STARD8: variants seen among roughly 807,000 people sequenced by gnomAD.
STARD8 encodes the protein StAR related lipid transfer domain containing 8, also known as stAR-related lipid transfer protein 8.
A neutral mutation model predicts 69.4 loss-of-function variants in STARD8; 25 were observed. The observed-to-expected ratio is 0.36, with a 90% CI of 0.26 to 0.50. The LOEUF is 0.50. STARD8 is among the 20% of genes least tolerant of loss of function. STARD8 has a pLI of 0.96. For missense variants in STARD8, 921 were observed against 932.5 expected, an observed-to-expected ratio of 0.99 and a Z score of 0.16; for synonymous variants, 389 against 374.6, an observed-to-expected ratio of 1.04 and a Z score of -0.45.
At chrX:68,669,171 G>C (rs2079712576) in intron 2 of STARD8, among the ~76,000 whole-genome samples, 1 of 111,187 alleles carries the variant, frequency 9.0e-6, no homozygotes, top group Admixed American at 9.6e-5. Context: ...AGATGGAAAG[G>C]TCCTGGAGCC....
chrX:68,672,033 C>T (rs1394233587), intron 2 of STARD8, among the ~76,000 whole-genome samples: 1 of 111,994 alleles, frequency 8.9e-6, no homozygotes, highest in Non-Finnish European at 1.9e-5. Flanking sequence ...GATCATAGCT[C>T]GAATCTGGTG....
intron 1 of STARD8, among the ~76,000 whole-genome samples, chrX:68,650,463 G>A (rs1303008310): frequency 5.1e-5 from 4 of 77,939 alleles, no homozygotes; most frequent in Non-Finnish European, 9.4e-5. Context: ...AGGAAGAGGA[G>A]GAGGGGAGGA....
At position 68,718,103 on chromosome X, in the gene STARD8, G is replaced by A. The variant is rs771544394; in HGVS notation, c.1189G>A (p.Gly397Arg). 1 of 1,211,811 alleles carries A rather than the reference G, an allele frequency of 8.3e-7. No homozygotes were observed. The highest frequency in any genetic ancestry group is 1.1e-6 in the Non-Finnish European group (1 of 895,464). Residue 397 changes from glycine to arginine, a missense_variant, in exon 6 of 15, where the codon GGG becomes AGG. Physicochemically the swap from Gly to Arg is moderately radical, Grantham distance 125. Coordinates refer to ENST00000374599, the MANE Select transcript of STARD8 (RefSeq NM_001142503.3). Reference protein sequence around the residue: ...HLDDILQHVWGLQQRVELWSR... With the variant: ...HLDDILQHVWRLQQRVELWSR... ...AGACGACATCCTCCAGCACGTGTGG[G>A]GGCTACAGCAACGAGTAGAGCTGTG... is the stretch of plus-strand genomic sequence containing the variant.
At chrX:68,654,927 T>C (rs2079602212) in intron 1 of STARD8, among the ~76,000 whole-genome samples, 2 of 112,306 alleles carry the variant, frequency 1.8e-5, no homozygotes, top group African/African-American at 6.5e-5. Flanking sequence ...GCCTCCAGGA[T>C]GTCTCTCCTT....
intron 12 of STARD8, among the ~76,000 whole-genome samples, chrX:68,723,236 C>T (rs187006115): frequency 1.3e-4 from 15 of 112,365 alleles, no homozygotes; most frequent in African/African-American, 4.5e-4. Context: ...AGTGTGAATG[C>T]CTGGTACATA....
At position 68,718,180 on chromosome X, in the gene STARD8, G is replaced by A. The variant is rs370461954; in HGVS notation, c.1266G>A (p.Glu422=). 9 of 1,211,628 alleles carry A rather than the reference G, an allele frequency of 7.4e-6. No individual in the cohort carries two copies. Among genetic ancestry groups the A allele is most frequent in the Middle Eastern group, 2.3e-4 (1 of 4,355 alleles). Residue 422 remains glutamate (E), a synonymous_variant, in exon 6 of 15, where the codon GAG becomes GAA. Coordinates refer to ENST00000374599, the MANE Select transcript of STARD8 (RefSeq NM_001142503.3). The part of the protein sequence containing the change: ...DLGPGDEEEE[E]ATSSVEIATV... ...GGCCTGGAGATGAGGAAGAGGAGGA[G>A]GCCACTTCATCAGTAGAAATAGCCA...
intron 2 of STARD8, among the ~76,000 whole-genome samples, chrX:68,690,436 C>CGG: frequency 9.8e-6 from 1 of 101,650 alleles, no homozygotes; most frequent in South Asian, 4.4e-4. Context: ...GCAGGCAGGG[C>CGG]GGGGGGACTG....
chrX:68,659,099 T>C (rs1283976553), intron 1 of STARD8, among the ~76,000 whole-genome samples: 1 of 112,118 alleles, frequency 8.9e-6, no homozygotes, highest in African/African-American at 3.2e-5. Flanking sequence ...CCTCTTCTCT[T>C]CTCTAAGCCT....
intron 1 of STARD8, among the ~76,000 whole-genome samples, chrX:68,658,771 G>A (rs183700841): frequency 4.1e-4 from 46 of 112,846 alleles, no homozygotes; most frequent in African/African-American, 1.3e-3. Flanking sequence ...AGGTTTCACA[G>A]TGGGTGGAGG....
chrX:68,647,913 T>C lies in STARD8; in HGVS notation c.31T>C (p.Phe11Leu). Residue 11 changes from phenylalanine (F) to leucine (L), a missense_variant, in exon 1 of 15, where the codon TTC (phenylalanine) becomes CTC (leucine). Physicochemically the swap from Phe to Leu is conservative, Grantham distance 22. Transcript: ENST00000374599. Reference sequence around the variant, plus strand: ...TCTGCTGGACGTTTTCTGGTCTTGCTTCAGGAAGGTGAAGGTAAGTGACTG... The same window carrying C: ...TCTGCTGGACGTTTTCTGGTCTTGCCTCAGGAAGGTGAAGGTAAGTGACTG... MPLLDVFWSC[F>L]RKVKCFPLLQ... The C allele has an allele frequency of 8.3e-7, 1 of 1,200,593 alleles. No homozygotes were observed.
At chrX:68,677,100 C>T (rs186093385) in intron 2 of STARD8, among the ~76,000 whole-genome samples, 2 of 110,741 alleles carry the variant, frequency 1.8e-5, no homozygotes, top group African/African-American at 3.3e-5. Context: ...GGGCCGTGAT[C>T]GTGGCACTGC....
intron 4 of STARD8, among the ~76,000 whole-genome samples, chrX:68,715,932 C>T (rs974871779): frequency 4.4e-5 from 5 of 112,463 alleles, no homozygotes; most frequent in Non-Finnish European, 9.4e-5. Flanking sequence ...TAGCCTTAGC[C>T]CCATTGGTCT....
At chrX:68,654,989 G>A (rs938628906) in intron 1 of STARD8, among the ~76,000 whole-genome samples, 8 of 112,308 alleles carry the variant, frequency 7.1e-5, no homozygotes, top group African/African-American at 1.3e-4. Context: ...GCCACATGCA[G>A]TGTGTATTTG....
chrX:68,722,021 C>A, intron 10 of STARD8, 26 bp from the exon 11 acceptor site: 1 of 1,150,853 alleles, frequency 8.7e-7, no homozygotes. Context: ...GCCATCTCTC[C>A]TCTCACCACC....
In STARD8 at chrX:68,725,595, T is replaced by A. The variant is rs1443766336; in HGVS notation, c.*1173T>A. 1 of 106,669 alleles carries A rather than the reference T, an allele frequency of 9.4e-6. No individual in the cohort carries two copies. Among genetic ancestry groups the A allele is most frequent in the Non-Finnish European group, 1.9e-5 (1 of 51,969 alleles). The allele number at this position is 106,669 out of a possible 1,213,427, so 8.8% of individuals were successfully genotyped here. On this transcript the variant is annotated 3_prime_UTR_variant, in exon 15 of 15. Coordinates refer to ENST00000374599, the MANE Select transcript of STARD8 (RefSeq NM_001142503.3). ...ATATATATATGTGTGTGTGTGTGTGTGTGTATATGTGTTTATAGAGATACA... is the reference window on the plus strand; with the variant it reads ...ATATATATATGTGTGTGTGTGTGTGAGTGTATATGTGTTTATAGAGATACA...
chrX:68,649,118 GACCTTTGGGAAGGA>G (rs1164676137), intron 1 of STARD8, among the ~76,000 whole-genome samples: 1 of 112,057 alleles, frequency 8.9e-6, no homozygotes, highest in African/African-American at 3.2e-5. Flanking sequence ...AGAATGCTGG[GACCTTTGGGAAGGA>G]AAGATCCATT....
intron 1 of STARD8, among the ~76,000 whole-genome samples, chrX:68,661,878 TTTCCTTCCTTCCTTCCTTCCTTCC>T (rs748806413): frequency 1.6e-5 from 1 of 64,165 alleles, no homozygotes; most frequent in Non-Finnish European, 2.7e-5. Context: ...CTTTCTTTCT[TTTCCTTCCTTCCTTCCTTCCTTCC>T]TTCCTTCCTT....
chrX:68,718,568 G>A lies in STARD8; in HGVS notation c.1654G>A (p.Ala552Thr). Residue 552 changes from alanine (A) to threonine (T), a missense_variant, in exon 6 of 15, where the codon GCA becomes ACA. Coordinates refer to ENST00000374599, the MANE Select transcript of STARD8 (RefSeq NM_001142503.3). ...EAAGPLAGLQ[A>T]SMPRERRDSG... is the part of the protein sequence containing the mutation. ...TGCGGGGCCCCTGGCTGGACTCCAG[G>A]CATCAATGCCCCGTGAACGGCGCGA... The A allele has an allele frequency of 1.7e-6, 2 of 1,211,540 alleles. No homozygotes were observed. Among genetic ancestry groups the A allele is most frequent in the Non-Finnish European group, 2.2e-6 (2 of 895,311 alleles).
At chrX:68,686,595 A>C (rs974485498) in intron 2 of STARD8, among the ~76,000 whole-genome samples, 2 of 112,894 alleles carry the variant, frequency 1.8e-5, no homozygotes, top group African/African-American at 3.2e-5. Context: ...GTCAGGGCTG[A>C]GCTGCGCTTC....
Sources: gnomAD v4.1 joint callset for allele counts (sites outside exome capture counted in the v4.1 genomes callset) on GRCh38, gnomAD v4.1.1 for gene constraint, MANE v1.5 for transcripts, NCBI Gene and HGNC (gene_info 2026-07-23, HGNC 2026-07-21) for gene names.